Variants in CPA6 observed in about 807,000 individuals in gnomAD.
The protein encoded by CPA6 is carboxypeptidase A6.
A neutral mutation model predicts 63.3 loss-of-function variants in CPA6; 58 were observed. The ratio of observed to expected loss-of-function variants is 0.92; its 90% CI spans 0.74 to 1.14. CPA6 has a LOEUF of 1.14. CPA6 is among the 50% of genes most tolerant of loss of function. The pLI, the probability that CPA6 is intolerant of heterozygous loss-of-function variation, is 0.00. For missense variants in CPA6, 565 were observed against 526.6 expected (o/e 1.07, Z -0.71); for synonymous variants, 185 against 179.0 (o/e 1.03, Z -0.27).
At chr8:67,645,731 T>C (rs189561233) in intron 1 of CPA6, among the ~76,000 whole-genome samples, 68 of 152,340 alleles carry the variant, frequency 4.5e-4, no homozygotes, top group African/African-American at 1.5e-3. Context: ...GGAACAAATA[T>C]AATGATGTCA....
intron 2 of CPA6, among the ~76,000 whole-genome samples, chr8:67,526,964 G>A (rs1289113500): frequency 1.3e-5 from 2 of 152,074 alleles, no homozygotes; most frequent in East Asian, 1.9e-4. Context: ...ATTTCACTAC[G>A]TTTTGCTAGC....
intron 1 of CPA6, among the ~76,000 whole-genome samples, chr8:67,661,330 T>C (rs980216938): frequency 2.6e-5 from 4 of 151,030 alleles, no homozygotes; most frequent in African/African-American, 7.3e-5. Flanking sequence ...TGGAGTAGAG[T>C]AGGGTGGTAG....
At chr8:67,648,398 C>G (rs1355355740) in intron 1 of CPA6, among the ~76,000 whole-genome samples, 1 of 152,028 alleles carries the variant, frequency 6.6e-6, no homozygotes, top group Non-Finnish European at 1.5e-5. Context: ...ATTGCTAAGC[C>G]TTTAGGCCCA....
chr8:67,656,123 T>C (rs567576865), intron 1 of CPA6, among the ~76,000 whole-genome samples: 1 of 152,152 alleles, frequency 6.6e-6, no homozygotes, highest in South Asian at 2.1e-4. Context: ...TTTTTGTTTT[T>C]GCCTCCTTTG....
At chr8:67,489,099 G>A (rs921587307) in intron 6 of CPA6, among the ~76,000 whole-genome samples, 10 of 151,336 alleles carry the variant, frequency 6.6e-5, no homozygotes, top group African/African-American at 2.2e-4. Flanking sequence ...TTGAATAGGA[G>A]TGTTTTTTTT....
chr8:67,462,923 T>C (rs113312993), intron 8 of CPA6, among the ~76,000 whole-genome samples: 5,353 of 152,282 alleles, frequency 0.035, 134 homozygotes, highest in Non-Finnish European at 0.052. Flanking sequence ...TGTGGCTCTA[T>C]TGACTTTTGA....
intron 6 of CPA6, among the ~76,000 whole-genome samples, chr8:67,491,457 A>G (rs1187796891): frequency 1.3e-5 from 2 of 152,188 alleles, no homozygotes; most frequent in African/African-American, 4.8e-5. Flanking sequence ...CTAATCTAAC[A>G]GGGCAGGTGA....
chr8:67,733,023 C>T lies in CPA6; in HGVS notation c.116+12991G>A, dbSNP rs915505301. On this transcript the variant is annotated intron_variant, in intron 1 of 10. Coordinates refer to ENST00000297770, the MANE Select transcript of CPA6 (RefSeq NM_020361.5). The stretch of plus-strand genomic sequence containing the variant: ...GATCCCGGCTAACACGGTGAAACCC[C>T]GTCTCTACTAAAAATACAAAAAATT... Among the ~76,000 whole-genome samples the T allele has an allele frequency of 2.6e-5, 4 of 151,446 alleles. No individual in the cohort carries two copies. The East Asian group carries it at 7.8e-4, about 29-fold the overall frequency.
At chr8:67,428,452 G>T (rs1398428682) in intron 9 of CPA6, among the ~76,000 whole-genome samples, 1 of 151,922 alleles carries the variant, frequency 6.6e-6, no homozygotes, top group Non-Finnish European at 1.5e-5. Flanking sequence ...CTGACTTAGT[G>T]TTCCGTTCCT....
intron 8 of CPA6, among the ~76,000 whole-genome samples, chr8:67,446,977 C>G (rs1319708714): frequency 6.6e-6 from 1 of 151,148 alleles, no homozygotes; most frequent in African/African-American, 2.4e-5. Flanking sequence ...CTTGATATAG[C>G]TATATAGGTA....
In CPA6 at chr8:67,506,812, G is replaced by A; in HGVS notation, c.611C>T (p.Ala204Val). ...GIHAREWIGP[A>V]FCQWFVKEAL... ...TTCTTTTACAAACCACTGACAAAAG[G>A]CAGGACCAATCCATTCTCTTGCATG... The change falls in exon 6 of 11, where the codon GCC becomes GTC. Residue 204 changes from alanine (A) to valine (V), a missense_variant. By Grantham distance (64) the Ala-to-Val change is moderately conservative. Transcript: ENST00000297770. The A allele has an allele frequency of 1.2e-6, 2 of 1,612,626 alleles. No homozygotes were observed. Among genetic ancestry groups the A allele is most frequent in the Non-Finnish European group, 1.7e-6 (2 of 1,178,764 alleles).
chr8:67,708,294 C>G (rs1203176061), intron 1 of CPA6, among the ~76,000 whole-genome samples: 1 of 152,162 alleles, frequency 6.6e-6, no homozygotes, highest in East Asian at 1.9e-4. Flanking sequence ...GTTTATTCTG[C>G]AAACAAATGA....
In CPA6 at chr8:67,588,811, G is replaced by A. The variant is rs567562236; in HGVS notation, c.192+35365C>T. On this transcript the variant is annotated intron_variant, in intron 2 of 10. Transcript: ENST00000297770. Reference sequence around the variant, plus strand: ...ACTGTGATTTGCTTATCAAGATCACGAGTGATGGAGACTAGAAGCCAGGTT... The same window carrying A: ...ACTGTGATTTGCTTATCAAGATCACAAGTGATGGAGACTAGAAGCCAGGTT... 1.3e-4 allele frequency among the ~76,000 whole-genome samples: 20 copies of A among 152,210 alleles called. No homozygotes were observed. The East Asian group carries it at 3.9e-3, about 29-fold the overall frequency.
intron 1 of CPA6, among the ~76,000 whole-genome samples, chr8:67,644,003 G>C (rs1815654437): frequency 6.6e-6 from 1 of 152,106 alleles, no homozygotes; most frequent in African/African-American, 2.4e-5. Context: ...ACTTGGTTGA[G>C]CAATGGAGAA....
intron 1 of CPA6, among the ~76,000 whole-genome samples, chr8:67,704,634 G>A (rs1171378241): frequency 1.3e-5 from 2 of 152,122 alleles, no homozygotes; most frequent in African/African-American, 4.8e-5. Context: ...AGGATGAATA[G>A]GGGGCTTCTG....
At chr8:67,552,769 T>TCC (rs1812974856) in intron 2 of CPA6, among the ~76,000 whole-genome samples, 1 of 56,242 alleles carries the variant, frequency 1.8e-5, no homozygotes, top group African/African-American at 5.7e-5. Flanking sequence ...AGAGCAAGAC[T>TCC]GTCTCAAAAA....
intron 1 of CPA6, among the ~76,000 whole-genome samples, chr8:67,640,006 T>C (rs1815553499): frequency 6.6e-6 from 1 of 151,012 alleles, no homozygotes; most frequent in Non-Finnish European, 1.5e-5. Context: ...GACCCTGGGG[T>C]GGGTAGCTTC....
At chr8:67,516,668 T>C (rs2128966546) in intron 3 of CPA6, among the ~76,000 whole-genome samples, 1 of 152,356 alleles carries the variant, frequency 6.6e-6, no homozygotes, top group Middle Eastern at 3.4e-3. Context: ...TATTGCCAGA[T>C]CCAAAGGAAA....
intron 1 of CPA6, among the ~76,000 whole-genome samples, chr8:67,653,730 T>G (rs1398374843): frequency 1.3e-5 from 2 of 152,084 alleles, no homozygotes; most frequent in East Asian, 3.9e-4. Context: ...TGAATACCCT[T>G]TATTTCCTTC....
Sources: gnomAD v4.1 joint callset for allele counts (sites outside exome capture counted in the v4.1 genomes callset) on GRCh38, gnomAD v4.1.1 for gene constraint, MANE v1.5 for transcripts, NCBI Gene and HGNC (gene_info 2026-07-23, HGNC 2026-07-21) for gene names.